SLC14A2: variants seen among roughly 807,000 people sequenced by gnomAD.
The protein encoded by SLC14A2 is urea transporter 2.
SLC14A2 carries 91 observed loss-of-function variants against 104.6 expected under a neutral mutation model. That is an observed-to-expected ratio of 0.87 (90% confidence interval 0.73 to 1.04). The LOEUF (loss-of-function observed/expected upper bound fraction) is 1.04. SLC14A2 is among the 50% of genes least tolerant of loss of function. The pLI, the probability that SLC14A2 is intolerant of heterozygous loss-of-function variation, is 0.00. For missense variants in SLC14A2, 1,189 were observed against 1,156.0 expected (o/e 1.03, Z -0.41); for synonymous variants, 476 against 466.4 (o/e 1.02, Z -0.27).
At chr18:45,499,455 T>C (rs2043155756) in intron 2 of SLC14A2, among the ~76,000 whole-genome samples, 1 of 152,222 alleles carries the variant, frequency 6.6e-6, no homozygotes, top group Non-Finnish European at 1.5e-5. Context: ...GATCCCAGGA[T>C]TCTCATCCAG....
chr18:45,385,553 A>G (rs1190466751), intron 1 of SLC14A2, among the ~76,000 whole-genome samples: 3 of 152,146 alleles, frequency 2.0e-5, no homozygotes, highest in Non-Finnish European at 4.4e-5. Flanking sequence ...GATTAGTAAG[A>G]CCCGTATAAT....
chr18:45,246,291 G>T (rs1273579254), intron 1 of SLC14A2, among the ~76,000 whole-genome samples: 1 of 152,168 alleles, frequency 6.6e-6, no homozygotes, highest in Admixed American at 6.5e-5. Flanking sequence ...TGGACTTCCA[G>T]CCTTCAGAAC....
intron 2 of SLC14A2, among the ~76,000 whole-genome samples, chr18:45,579,991 G>T (rs2044466080): frequency 6.6e-6 from 1 of 152,232 alleles, no homozygotes; most frequent in Non-Finnish European, 1.5e-5. Context: ...GGGAAGCCTT[G>T]AGGTTGCCTT....
chr18:45,609,103 C>T (rs573472693), intron 2 of SLC14A2, among the ~76,000 whole-genome samples: 2 of 152,156 alleles, frequency 1.3e-5, no homozygotes, highest in South Asian at 4.1e-4. Flanking sequence ...GGCTGTTGCC[C>T]CCTTCAGAGT....
chr18:45,288,223 G>A (rs1195664224), intron 1 of SLC14A2, among the ~76,000 whole-genome samples: 1 of 152,146 alleles, frequency 6.6e-6, no homozygotes, highest in Non-Finnish European at 1.5e-5. Context: ...GTTTCTGATA[G>A]GTTTACAAGG....
chr18:45,185,629 A>G, the SLC14A2 span, among the ~76,000 whole-genome samples: 5 of 152,198 alleles, frequency 3.3e-5, no homozygotes, highest in Non-Finnish European at 5.9e-5. Flanking sequence ...ACATTGTCCT[A>G]AAAGTTCTAG....
Position 45,281,371 on chromosome 18 carries a change from C to T in SLC14A2, c.-125+68180C>T, listed in dbSNP as rs763723138. 5.9e-5 allele frequency among the ~76,000 whole-genome samples: 9 copies of T among 152,152 alleles called. 1 individual carries two copies. The highest frequency in any genetic ancestry group is 5.8e-4 in the East Asian group (3 of 5,190). On this transcript the variant is annotated intron_variant, in intron 1 of 20. Coordinates refer to the SLC14A2 transcript ENST00000586448. ...TGGACAGACACATCAGCAATGACTC[C>T]GCCACACCATCACTGCCATAAGCAC...
At chr18:45,242,248 A>T (rs1426936255) in intron 1 of SLC14A2, among the ~76,000 whole-genome samples, 3 of 151,904 alleles carry the variant, frequency 2.0e-5, no homozygotes, top group Admixed American at 6.6e-5. Flanking sequence ...GTAGCTGGGC[A>T]CTCTCTTTAT....
chr18:45,457,170 T>C (rs1030947936), intron 1 of SLC14A2, among the ~76,000 whole-genome samples: 1 of 152,192 alleles, frequency 6.6e-6, no homozygotes, highest in Non-Finnish European at 1.5e-5. Flanking sequence ...GTTTTTTTAA[T>C]ATTTAATCTC....
chr18:45,378,536 T>C (rs1363583888), intron 1 of SLC14A2, among the ~76,000 whole-genome samples: 2 of 152,236 alleles, frequency 1.3e-5, no homozygotes, highest in Non-Finnish European at 2.9e-5. Flanking sequence ...TGGACATCAG[T>C]TGTCCTGAAT....
chr18:45,648,092 ATAAT>A (rs1377103668), intron 10 of SLC14A2, among the ~76,000 whole-genome samples: 1 of 151,372 alleles, frequency 6.6e-6, no homozygotes, highest in Non-Finnish European at 1.5e-5. Flanking sequence ...TTTACCTCAT[ATAAT>A]TAGTTACCAC....
At chr18:45,571,714 G>T (rs949772713) in intron 2 of SLC14A2, among the ~76,000 whole-genome samples, 6 of 152,106 alleles carry the variant, frequency 3.9e-5, no homozygotes, top group African/African-American at 1.4e-4. Context: ...TATTATACCA[G>T]CCAAGATCAC....
the SLC14A2 span, among the ~76,000 whole-genome samples, chr18:45,187,925 C>G: frequency 1.3e-5 from 2 of 152,076 alleles, no homozygotes; most frequent in African/African-American, 4.8e-5. Flanking sequence ...CTTAAACAGT[C>G]CATGAAATAG....
intron 1 of SLC14A2, among the ~76,000 whole-genome samples, chr18:45,277,790 T>G (rs981316363): frequency 6.6e-6 from 1 of 152,228 alleles, no homozygotes; most frequent in Non-Finnish European, 1.5e-5. Context: ...ACACAGGATA[T>G]GATATACAAG....
At chr18:45,442,532 C>T (rs138804067) in intron 1 of SLC14A2, among the ~76,000 whole-genome samples, 45 of 152,262 alleles carry the variant, frequency 3.0e-4, no homozygotes, top group African/African-American at 1.0e-3. Flanking sequence ...TCCAAATTTC[C>T]TCTTTTTATT....
chr18:45,523,544 C>T (rs143742669), intron 2 of SLC14A2, among the ~76,000 whole-genome samples: 1 of 148,724 alleles, frequency 6.7e-6, no homozygotes, highest in Non-Finnish European at 1.5e-5. Flanking sequence ...ACCATGTTGG[C>T]CAAGATGGTC....
chr18:45,354,541 A>G (rs750587194), intron 1 of SLC14A2, among the ~76,000 whole-genome samples: 1 of 152,226 alleles, frequency 6.6e-6, no homozygotes, highest in Non-Finnish European at 1.5e-5. Flanking sequence ...CAAGCTTGCA[A>G]GCGTGTCCTC....
intron 1 of SLC14A2, among the ~76,000 whole-genome samples, chr18:45,236,465 A>G (rs1292239477): frequency 1.5e-5 from 1 of 68,184 alleles, no homozygotes; most frequent in Non-Finnish European, 2.7e-5. Flanking sequence ...ATATATGTGT[A>G]TATATACATG....
intron 10 of SLC14A2, among the ~76,000 whole-genome samples, chr18:45,653,018 G>A (rs1348935829): frequency 6.6e-6 from 1 of 151,842 alleles, no homozygotes; most frequent in African/African-American, 2.4e-5. Context: ...TAGCTGGAGT[G>A]AGCGCATCTC....
Sources: allele counts gnomAD v4.1 joint callset (sites outside exome capture counted in the v4.1 genomes callset), GRCh38; gene constraint gnomAD v4.1.1; transcripts MANE v1.5; gene names NCBI Gene and HGNC (gene_info 2026-07-23, HGNC 2026-07-21).